Variants in FRMPD4 observed in about 807,000 individuals in gnomAD.
FRMPD4 encodes the protein FERM and PDZ domain-containing protein 4.
In FRMPD4, 22 loss-of-function variants were observed where a neutral mutation model predicts 94.1. That is an observed-to-expected ratio of 0.23 (90% CI 0.17 to 0.33). FRMPD4 has a LOEUF of 0.33. Among genes scored for constraint, FRMPD4 ranks in the 10% least tolerant of loss-of-function variants. The pLI, the probability that FRMPD4 is intolerant of heterozygous loss-of-function variation, is 1.00. For missense variants in FRMPD4, 1,111 were observed against 1,339.9 expected (o/e 0.83, Z 2.67); for synonymous variants, 631 against 548.6 (o/e 1.15, Z -2.10).
chrX:12,486,762 T>C (rs1045250052), intron 1 of FRMPD4, among the ~76,000 whole-genome samples: 5 of 112,350 alleles, frequency 4.5e-5, no homozygotes, highest in African/African-American at 1.6e-4. Context: ...ATTCATAAAA[T>C]GATTATGTTT....
intron 2 of FRMPD4, among the ~76,000 whole-genome samples, chrX:12,531,902 A>T (rs907354560): frequency 1.8e-5 from 2 of 111,150 alleles, no homozygotes; most frequent in Non-Finnish European, 3.8e-5. Flanking sequence ...GCTTTTCCTC[A>T]CTATTTCTTA....
At chrX:12,438,454 T>C (rs78686854) in intron 1 of FRMPD4, among the ~76,000 whole-genome samples, 6,025 of 109,232 alleles carry the variant, frequency 0.055, 212 homozygotes, top group Non-Finnish European at 0.085. Context: ...TGGGGGAAAA[T>C]TGAATGTGTA....
chrX:12,714,146 C>A (rs941982448), intron 14 of FRMPD4, among the ~76,000 whole-genome samples: 6 of 112,178 alleles, frequency 5.3e-5, no homozygotes, highest in African/African-American at 1.9e-4. Context: ...CATTGTTTTA[C>A]TTTCCTAAGG....
At chrX:11,847,177 A>G (rs1375609990) in intron 1 of FRMPD4, among the ~76,000 whole-genome samples, 1 of 111,666 alleles carries the variant, frequency 9.0e-6, no homozygotes, top group Non-Finnish European at 1.9e-5. Flanking sequence ...ACTCAAACAA[A>G]TTTACAAGCA....
At chrX:11,947,770 T>C (rs989520032) in intron 3 of FRMPD4, among the ~76,000 whole-genome samples, 15 of 111,265 alleles carry the variant, frequency 1.3e-4, no homozygotes, top group Admixed American at 1.1e-3. Context: ...ATTTTAGCTA[T>C]TATCAATATT....
At chrX:12,583,346 G>C (rs1377523474) in intron 2 of FRMPD4, 2 of 597,275 alleles carry the variant, frequency 3.3e-6, no homozygotes, top group Non-Finnish European at 2.7e-6. Context: ...TTGGGGGAAA[G>C]GGATGAGAGC....
chrX:12,534,487 G>A (rs762798584), intron 2 of FRMPD4, among the ~76,000 whole-genome samples: 1 of 112,397 alleles, frequency 8.9e-6, no homozygotes, highest in Non-Finnish European at 1.9e-5. Context: ...ACCTGGAAAA[G>A]CTGCAGGCAC....
chrX:11,843,296 C>G (rs1180692664), intron 1 of FRMPD4, among the ~76,000 whole-genome samples: 2 of 111,037 alleles, frequency 1.8e-5, no homozygotes, highest in East Asian at 5.6e-4. Flanking sequence ...TCTCTGTAGT[C>G]TGGAAGAGTT....
intron 3 of FRMPD4, among the ~76,000 whole-genome samples, chrX:12,121,051 A>G (rs1394587273): frequency 9.2e-6 from 1 of 108,976 alleles, no homozygotes; most frequent in Non-Finnish European, 1.9e-5. Flanking sequence ...CTTTATAATA[A>G]TACTAAGACT....
intron 3 of FRMPD4, among the ~76,000 whole-genome samples, chrX:11,891,401 G>T (rs1288352527): frequency 8.9e-6 from 1 of 112,398 alleles, no homozygotes; most frequent in Non-Finnish European, 1.9e-5. Flanking sequence ...AAGAAATGAA[G>T]AATGAGGGAC....
At chrX:11,834,191 C>A (rs190408578) in intron 1 of FRMPD4, among the ~76,000 whole-genome samples, 11 of 111,701 alleles carry the variant, frequency 9.8e-5, no homozygotes, top group Non-Finnish European at 1.9e-4. Context: ...AACTTCAGAC[C>A]ACTTAAGTTA....
chrX:12,694,591 A>G, intron 9 of FRMPD4, 137 bp downstream of exon 9: 3 of 463,129 alleles, frequency 6.5e-6, no homozygotes, highest in Non-Finnish European at 1.1e-5. Context: ...CGATAATTCT[A>G]TGATGCTCTT....
intron 4 of FRMPD4, among the ~76,000 whole-genome samples, chrX:12,615,510 A>G (rs2059227332): frequency 8.9e-6 from 1 of 112,179 alleles, no homozygotes; most frequent in South Asian, 3.8e-4. Context: ...GAATCCCTTT[A>G]GAAGCCCACT....
intron 1 of FRMPD4, among the ~76,000 whole-genome samples, chrX:12,382,043 A>G (rs767016984): frequency 2.7e-5 from 3 of 111,139 alleles, no homozygotes; most frequent in Non-Finnish European, 5.7e-5. Flanking sequence ...CTACAGACAC[A>G]GGTGCTGAGA....
At chrX:12,618,319 A>G (rs931407282) in intron 4 of FRMPD4, among the ~76,000 whole-genome samples, 1 of 111,920 alleles carries the variant, frequency 8.9e-6, no homozygotes. Flanking sequence ...TCAACAAAGA[A>G]TTATTGAGGA....
intron 1 of FRMPD4, among the ~76,000 whole-genome samples, chrX:12,207,442 G>A (rs191326132): frequency 9.0e-6 from 1 of 110,864 alleles, no homozygotes; most frequent in East Asian, 2.8e-4. Context: ...AGCATAGCTT[G>A]TATTGTGCTA....
chrX:12,058,599 TTTC>T (rs1458178571), intron 3 of FRMPD4, among the ~76,000 whole-genome samples: 3 of 111,704 alleles, frequency 2.7e-5, no homozygotes, highest in East Asian at 2.8e-4. Flanking sequence ...TGTGCAAGTG[TTTC>T]TTATTTACGA....
rs1257248268 is a variant in FRMPD4 at position 11,884,435 on chromosome X, A to G, written c.95+6417A>G. On this transcript the variant is annotated intron_variant, in intron 3 of 18. Coordinates refer to the FRMPD4 transcript ENST00000640291. ...AAGGGAAGAAGGAGGAGGAATTTAC[A>G]TGTCCTTATTCTCAGTGCCATACTG... 2.7e-5 allele frequency among the ~76,000 whole-genome samples: 3 copies of G among 111,987 alleles called. No individual in the cohort carries two copies. The Admixed American group carries it at 2.9e-4, about 11-fold the overall frequency.
intron 3 of FRMPD4, among the ~76,000 whole-genome samples, chrX:12,061,972 G>A (rs748311074): frequency 6.8e-4 from 76 of 111,953 alleles, no homozygotes; most frequent in African/African-American, 2.4e-3. Flanking sequence ...GTATCTGAAT[G>A]CATTTAGAAG....
Sources: gnomAD v4.1 joint callset for allele counts (sites outside exome capture counted in the v4.1 genomes callset) on GRCh38, gnomAD v4.1.1 for gene constraint, MANE v1.5 for transcripts, NCBI Gene and HGNC (gene_info 2026-07-23, HGNC 2026-07-21) for gene names.